Variants in PLXNA4 observed in about 807,000 individuals in gnomAD.
The protein encoded by PLXNA4 is plexin-A4.
Under a neutral mutation model 191.8 loss-of-function variants are expected in PLXNA4, and 44 were observed. The observed-to-expected ratio is 0.23, with a 90% CI of 0.18 to 0.29. PLXNA4 has a LOEUF of 0.29. Ranked by LOEUF, PLXNA4 falls within the 10% of genes least tolerant of loss-of-function variation. The probability of loss-of-function intolerance (pLI) is 1.00; values close to 1 mark genes in which losing one functional copy is unlikely to be tolerated. For synonymous variants in PLXNA4, 1,082 were observed against 1,009.5 expected (o/e 1.07, Z -1.36); for missense variants, 1,800 against 2,488.8 (o/e 0.72, Z 5.89).
At chr7:132,468,831 A>C (rs1038258378) in intron 3 of PLXNA4, among the ~76,000 whole-genome samples, 4 of 152,146 alleles carry the variant, frequency 2.6e-5, no homozygotes, top group Non-Finnish European at 5.9e-5. Context: ...GTAACACATC[A>C]GCTGTTCATT....
At position 132,202,656 on chromosome 7, in the gene PLXNA4, C is replaced by T. The variant is rs201337636; in HGVS notation, c.2576G>A (p.Arg859His). The change falls in exon 12 of 32, where the codon CGC (arginine) becomes CAC (histidine). Residue 859 changes from arginine to histidine, a missense_variant. By Grantham distance (29) the Arg-to-His change is conservative. Transcript: ENST00000321063. ...CCGACCCCGGCTTACCTCTGTGATG[C>T]GGGGGTTTGTGCACTTGCTTTTGGC... ...SGAKSKCTNP[R>H]ITEIIPVTGP... The T allele has an allele frequency of 2.6e-4, 401 of 1,520,068 alleles. No individual in the cohort carries two copies. The highest frequency in any genetic ancestry group is 5.3e-4 in the East Asian group (22 of 41,674). The allele number at this position is 1,520,068 out of a possible 1,614,324, so 94.2% of individuals were successfully genotyped here. A position where few individuals can be genotyped will look rare whatever the true frequency, so the allele number is the denominator to read the frequency against.
chr7:132,194,163 C>T lies in PLXNA4; in HGVS notation c.2755G>A (p.Gly919Arg). 6.2e-7 allele frequency: 1 copy of T among 1,613,638 alleles called. No individual in the cohort carries two copies. The highest frequency in any genetic ancestry group is 8.5e-7 in the Non-Finnish European group (1 of 1,179,660). ...IPAEQIVCEM[G>R]EAKPSQHAGF... ...GCATGCTGGCTGGGCTTGGCCTCCC[C>T]CATCTCACACACGATCCTGCAGGGA... Residue 919 changes from glycine to arginine, a missense_variant, in exon 14 of 32, where the codon GGG becomes AGG. By Grantham distance (125) the Gly-to-Arg change is moderately radical. Coordinates refer to ENST00000321063, the MANE Select transcript of PLXNA4 (RefSeq NM_020911.2).
intron 3 of PLXNA4, among the ~76,000 whole-genome samples, chr7:132,398,404 G>A (rs925219530): frequency 3.3e-5 from 5 of 152,190 alleles, no homozygotes; most frequent in East Asian, 1.9e-4. Flanking sequence ...GGTTCTATTC[G>A]TGTCGCAACA....
intron 2 of PLXNA4, among the ~76,000 whole-genome samples, chr7:132,593,924 G>A (rs551352089): frequency 1.2e-4 from 18 of 152,358 alleles, no homozygotes; most frequent in African/African-American, 3.4e-4. Flanking sequence ...TGTTCAGCCC[G>A]AGCATCAGGT....
chr7:132,329,767 G>T (rs1281454896), intron 3 of PLXNA4, among the ~76,000 whole-genome samples: 1 of 152,146 alleles, frequency 6.6e-6, no homozygotes, highest in East Asian at 1.9e-4. Flanking sequence ...CTGATGATTC[G>T]TGGGGCCCCA....
chr7:132,371,717 G>C (rs974885715), intron 3 of PLXNA4, among the ~76,000 whole-genome samples: 12 of 152,250 alleles, frequency 7.9e-5, no homozygotes, highest in African/African-American at 2.2e-4. Context: ...TAAAGAGAAG[G>C]CATCAAGGAC....
Position 132,284,697 on chromosome 7 carries a change from A to G in PLXNA4, c.1503+13394T>C, listed in dbSNP as rs77632980. The stretch of plus-strand genomic sequence containing the variant: ...TGGTCTGCTCTCGGTCACTCTTGGC[A>G]CCAAAAACACCTAATACGCTCCAGA... On this transcript the variant is annotated intron_variant, in intron 4 of 31. Transcript: ENST00000321063. Among the ~76,000 whole-genome samples, 1,471 of 152,324 alleles carry G rather than the reference A, an allele frequency of 9.7e-3. 31 individuals are homozygous for G. Among genetic ancestry groups the G allele is most frequent in the African/African-American group, 0.034 (1,397 of 41,572 alleles).
intron 4 of PLXNA4, among the ~76,000 whole-genome samples, chr7:132,293,007 C>T (rs1188290654): frequency 6.6e-6 from 1 of 152,138 alleles, no homozygotes; most frequent in African/African-American, 2.4e-5. Flanking sequence ...AGAACAAAGG[C>T]CTGTTTGCTG....
At chr7:132,313,545 G>A (rs1801828645) in intron 3 of PLXNA4, among the ~76,000 whole-genome samples, 1 of 152,270 alleles carries the variant, frequency 6.6e-6, no homozygotes, top group East Asian at 1.9e-4. Context: ...GTGGCCAAGG[G>A]AATGGTGGGC....
chr7:132,397,568 A>G (rs999296568), intron 3 of PLXNA4, among the ~76,000 whole-genome samples: 3 of 152,216 alleles, frequency 2.0e-5, no homozygotes, highest in Admixed American at 6.5e-5. Context: ...CAAATCCAGG[A>G]AATTCCACAG....
chr7:132,375,982 G>A (rs529570258), intron 3 of PLXNA4, among the ~76,000 whole-genome samples: 1 of 152,290 alleles, frequency 6.6e-6, no homozygotes, highest in South Asian at 2.1e-4. Context: ...GCAGACAGTA[G>A]AGTTTGAGTC....
intron 3 of PLXNA4, among the ~76,000 whole-genome samples, chr7:132,302,071 AT>A (rs1217381789): frequency 6.6e-6 from 1 of 152,218 alleles, no homozygotes; most frequent in Non-Finnish European, 1.5e-5. Flanking sequence ...ATGAAAAGTT[AT>A]TTAAAAATAA....
intron 5 of PLXNA4, among the ~76,000 whole-genome samples, chr7:132,229,919 G>C (rs1350886583): frequency 6.6e-6 from 1 of 152,060 alleles, no homozygotes; most frequent in Non-Finnish European, 1.5e-5. Context: ...ACAGCAAGAG[G>C]GGCAGCCTGG....
intron 10 of PLXNA4, among the ~76,000 whole-genome samples, chr7:132,205,732 G>C (rs1797594766): frequency 7.2e-5 from 11 of 152,204 alleles, no homozygotes; most frequent in Non-Finnish European, 2.9e-5. Context: ...TGCTGGGGCA[G>C]GCTGAGCTCT....
At chr7:132,528,878 G>T (rs1799512975) in intron 1 of PLXNA4, among the ~76,000 whole-genome samples, 1 of 152,152 alleles carries the variant, frequency 6.6e-6, no homozygotes, top group Non-Finnish European at 1.5e-5. Flanking sequence ...CTATTACTGG[G>T]TCCTACCAGA....
At chr7:132,535,900 A>G (rs977230838) in intron 1 of PLXNA4, among the ~76,000 whole-genome samples, 1 of 152,174 alleles carries the variant, frequency 6.6e-6, no homozygotes, top group Admixed American at 6.5e-5. Flanking sequence ...GGTAGGTCTT[A>G]TTACCTATTA....
At chr7:132,515,952 C>G (rs550118238) in intron 1 of PLXNA4, among the ~76,000 whole-genome samples, 1 of 152,184 alleles carries the variant, frequency 6.6e-6, no homozygotes, top group Non-Finnish European at 1.5e-5. Flanking sequence ...TATTGCCCCT[C>G]TTTTCTCCAG....
chr7:132,401,846 C>T (rs1163327114), intron 3 of PLXNA4, among the ~76,000 whole-genome samples: 1 of 152,128 alleles, frequency 6.6e-6, no homozygotes, highest in East Asian at 1.9e-4. Flanking sequence ...CTGCAAATTG[C>T]CAAGAGCAAT....
upstream of PLXNA4, among the ~76,000 whole-genome samples, chr7:132,580,918 A>C (rs1333410455): frequency 6.6e-6 from 1 of 152,142 alleles, no homozygotes; most frequent in Non-Finnish European, 1.5e-5. Context: ...GGACAGCAGG[A>C]ATATCATCAG....
Sources: allele counts gnomAD v4.1 joint callset (sites outside exome capture counted in the v4.1 genomes callset), GRCh38; gene constraint gnomAD v4.1.1; transcripts MANE v1.5; gene names NCBI Gene and HGNC (gene_info 2026-07-23, HGNC 2026-07-21).